MAML3: variants seen among roughly 807,000 people sequenced by gnomAD.
The protein encoded by MAML3 is mastermind like transcriptional coactivator 3, also known as mastermind-like protein 3.
A neutral mutation model predicts 101.9 loss-of-function variants in MAML3; 27 were observed. The observed-to-expected ratio is 0.27, with a 90% CI of 0.20 to 0.37. MAML3 has a LOEUF of 0.37. MAML3 is among the 10% of genes least tolerant of loss of function. The pLI is 1.00. For missense variants in MAML3, 1,316 were observed against 1,444.9 expected (o/e 0.91, Z 1.45); for synonymous variants, 501 against 555.9 (o/e 0.90, Z 1.39).
chr4:139,944,690 A>T (rs1157101033), intron 1 of MAML3, among the ~76,000 whole-genome samples: 4 of 148,874 alleles, frequency 2.7e-5, no homozygotes, highest in African/African-American at 7.4e-5. Context: ...CAAAAAACAC[A>T]TGAAAAAATG....
chr4:139,899,516 T>A (rs1406219084), intron 1 of MAML3, among the ~76,000 whole-genome samples: 1 of 152,068 alleles, frequency 6.6e-6, no homozygotes, highest in East Asian at 1.9e-4. Context: ...TGTCTGCGTG[T>A]CGGGCTCTGC....
At chr4:140,131,426 T>A (rs1237472700) in intron 1 of MAML3, among the ~76,000 whole-genome samples, 1 of 152,156 alleles carries the variant, frequency 6.6e-6, no homozygotes, top group Non-Finnish European at 1.5e-5. Context: ...ACCTCCATGC[T>A]ACTTCTGCTA....
At chr4:140,076,092 C>A (rs1727760783) in intron 1 of MAML3, among the ~76,000 whole-genome samples, 1 of 151,898 alleles carries the variant, frequency 6.6e-6, no homozygotes, top group Non-Finnish European at 1.5e-5. Context: ...GTCTTAAACA[C>A]CTGGCCTCAA....
intron 1 of MAML3, among the ~76,000 whole-genome samples, chr4:139,909,790 T>A (rs1407096056): frequency 2.5e-5 from 3 of 119,760 alleles, no homozygotes; most frequent in Non-Finnish European, 4.8e-5. Flanking sequence ...TGAGCCGAGA[T>A]CACCCCACTG....
At chr4:140,121,935 C>A (rs189818511) in intron 1 of MAML3, among the ~76,000 whole-genome samples, 1 of 152,194 alleles carries the variant, frequency 6.6e-6, no homozygotes, top group Non-Finnish European at 1.5e-5. Flanking sequence ...TGAGTTCTCA[C>A]GAGATCTGAT....
intron 1 of MAML3, among the ~76,000 whole-genome samples, chr4:140,125,712 C>A (rs1455098180): frequency 6.6e-6 from 1 of 152,064 alleles, no homozygotes; most frequent in Admixed American, 6.5e-5. Context: ...CCAGCCTTGG[C>A]CTCCCAAAGT....
In MAML3 at chr4:139,719,013, C is replaced by T. The variant is rs142649073; in HGVS notation, c.*310G>A. On this transcript the variant is annotated 3_prime_UTR_variant, in exon 5 of 5. Coordinates refer to ENST00000509479, the MANE Select transcript of MAML3 (RefSeq NM_018717.5). ...CTGAAGCAGCTCCTGCTGGGCCAGG[C>T]GATCACAGGGCATGCTGGGCAGAGG... is the stretch of plus-strand genomic sequence containing the variant. 105 of 302,846 alleles carry T rather than the reference C, an allele frequency of 3.5e-4. No individual in the cohort carries two copies. Among genetic ancestry groups the T allele is most frequent in the African/African-American group, 1.7e-3 (81 of 46,546 alleles). 18.8% of individuals were successfully genotyped at this position (302,846 alleles called of 1,614,324 possible).
chr4:139,861,978 G>C (rs1050365062), intron 2 of MAML3, among the ~76,000 whole-genome samples: 2 of 152,092 alleles, frequency 1.3e-5, no homozygotes, highest in Admixed American at 6.6e-5. Context: ...GGAGGCTGAG[G>C]GGGGTGGACC....
At chr4:140,119,912 C>T in intron 1 of MAML3, among the ~76,000 whole-genome samples, 1 of 152,014 alleles carries the variant, frequency 6.6e-6, no homozygotes, top group Admixed American at 6.6e-5. Flanking sequence ...AAGAGAGTTC[C>T]AATCACAATC....
In MAML3 at chr4:139,814,598, G is replaced by A. The variant is rs60295425; in HGVS notation, c.2079+74759C>T. ...TTGTGGCTGCTGTGTAGATATGAAC[G>A]AACTGTAATGAACTGTGTGGTTCAG... On this transcript the variant is annotated intron_variant, in intron 2 of 4. Coordinates refer to ENST00000509479, the MANE Select transcript of MAML3 (RefSeq NM_018717.5). Among the ~76,000 whole-genome samples the A allele has an allele frequency of 9.9e-3, 1,510 of 152,236 alleles. 25 individuals are homozygous for A. Among genetic ancestry groups the A allele is most frequent in the African/African-American group, 0.035 (1,446 of 41,526 alleles).
chr4:140,145,871 C>CTTTTTTTTTTT, intron 1 of MAML3, among the ~76,000 whole-genome samples: 1 of 32,692 alleles, frequency 3.1e-5, no homozygotes, highest in African/African-American at 7.6e-5. Flanking sequence ...CCTTTTTTTT[C>CTTTTTTTTTTT]TTTTTTCTTT....
intron 2 of MAML3, among the ~76,000 whole-genome samples, chr4:139,766,200 C>T (rs1446898332): frequency 6.6e-6 from 1 of 151,818 alleles, no homozygotes; most frequent in Admixed American, 6.6e-5. Flanking sequence ...GGGATGGAGT[C>T]TCACTCTGTC....
chr4:139,813,579 CT>C (rs1311447174), intron 2 of MAML3, among the ~76,000 whole-genome samples: 6 of 152,286 alleles, frequency 3.9e-5, no homozygotes, highest in African/African-American at 1.4e-4. Context: ...CAGAATAAAG[CT>C]ATTTTCATAC....
At chr4:139,879,957 G>A (rs193165425) in intron 2 of MAML3, among the ~76,000 whole-genome samples, 104 of 152,262 alleles carry the variant, frequency 6.8e-4, no homozygotes, top group African/African-American at 2.4e-3. Flanking sequence ...TGGATTGCCT[G>A]AGCTTAGGAG....
At position 139,966,157 on chromosome 4, in the gene MAML3, A is replaced by T. The variant is rs185140539; in HGVS notation, c.469-75190T>A. Among the ~76,000 whole-genome samples the T allele has an allele frequency of 7.2e-5, 11 of 152,268 alleles. No homozygotes were observed. In the East Asian group the frequency reaches 1.7e-3, roughly 24 times the overall value. On this transcript the variant is annotated intron_variant, in intron 1 of 4. Transcript: ENST00000509479. ...ACTGCTTGAAACAAACCAAGAAAAA[A>T]TTGCTTCCAATCAAGTCTTCCTGCT... is the stretch of plus-strand genomic sequence containing the variant.
chr4:139,986,119 G>A (rs955093741), intron 1 of MAML3, among the ~76,000 whole-genome samples: 2 of 152,180 alleles, frequency 1.3e-5, no homozygotes, highest in Non-Finnish European at 2.9e-5. Context: ...TGCCTCCCAT[G>A]GCTCTCATTG....
intron 1 of MAML3, among the ~76,000 whole-genome samples, chr4:139,973,986 T>A (rs56383216): frequency 0.064 from 9,688 of 152,310 alleles, 977 homozygotes; most frequent in African/African-American, 0.21. Flanking sequence ...ACAAGTATTT[T>A]ACATAGCTTT....
chr4:140,001,212 T>C (rs1734918699), intron 1 of MAML3, among the ~76,000 whole-genome samples: 1 of 152,238 alleles, frequency 6.6e-6, no homozygotes, highest in Non-Finnish European at 1.5e-5. Context: ...CCATGAGCAG[T>C]TGCAGTTTTA....
At chr4:140,076,872 T>A (rs1727776490) in intron 1 of MAML3, among the ~76,000 whole-genome samples, 1 of 152,136 alleles carries the variant, frequency 6.6e-6, no homozygotes, top group Admixed American at 6.5e-5. Flanking sequence ...TTGTTTTTGT[T>A]TTTTTCTTTT....
Sources: gnomAD v4.1 joint callset for allele counts (sites outside exome capture counted in the v4.1 genomes callset) on GRCh38, gnomAD v4.1.1 for gene constraint, MANE v1.5 for transcripts, NCBI Gene and HGNC (gene_info 2026-07-23, HGNC 2026-07-21) for gene names.